ZMAT1: variants seen among roughly 807,000 people sequenced by gnomAD.
ZMAT1 encodes zinc finger matrin-type 1, also known as zinc finger matrin-type protein 1.
In ZMAT1, 11 loss-of-function variants were observed where a neutral mutation model predicts 18.5. The observed-to-expected ratio is 0.59, with a 90% CI of 0.37 to 0.98. ZMAT1 has a LOEUF of 0.98. Among genes scored for constraint, ZMAT1 ranks in the 50% least tolerant of loss-of-function variants. The probability of loss-of-function intolerance (pLI) is 0.01; values close to 1 mark genes in which losing one functional copy is unlikely to be tolerated. For missense variants in ZMAT1, 525 were observed against 496.2 expected, an observed-to-expected ratio of 1.06 and a Z score of -0.55; for synonymous variants, 211 against 176.4, an observed-to-expected ratio of 1.20 and a Z score of -1.55.
At chrX:101,929,423 TTATATATATATATATATATATATA>T (rs771032732) in intron 1 of ZMAT1, among the ~76,000 whole-genome samples, 1 of 71,303 alleles carries the variant, frequency 1.4e-5, no homozygotes, top group South Asian at 8.4e-4. Context: ...TAGAGAGAGA[TTATATATATATATATATATATATA>T]TATATATATA....
chrX:101,907,557 C>T (rs1209321562), intron 1 of ZMAT1, among the ~76,000 whole-genome samples: 1 of 112,242 alleles, frequency 8.9e-6, no homozygotes, highest in Non-Finnish European at 1.9e-5. Flanking sequence ...CATAGCACCA[C>T]CACAAGAACA....
At chrX:101,931,501 C>G in intron 1 of ZMAT1, 1 of 753,181 alleles carries the variant, frequency 1.3e-6, no homozygotes, top group Non-Finnish European at 1.6e-6. Context: ...CCATCCTTTA[C>G]AGGTGGGAGA....
intron 1 of ZMAT1, among the ~76,000 whole-genome samples, chrX:101,931,016 A>C (rs1052680582): frequency 2.7e-5 from 3 of 111,897 alleles, no homozygotes; most frequent in Non-Finnish European, 5.6e-5. Context: ...AAATAGCCAA[A>C]GAAAACTCTC....
chrX:101,900,621 G>C (rs1160563277), intron 2 of ZMAT1, among the ~76,000 whole-genome samples: 5 of 111,093 alleles, frequency 4.5e-5, no homozygotes, highest in Admixed American at 9.6e-5. Flanking sequence ...TAAGTATTAG[G>C]GTTTATTTCT....
chrX:101,895,662 T>C (rs1299418381), intron 4 of ZMAT1, among the ~76,000 whole-genome samples: 2 of 104,113 alleles, frequency 1.9e-5, no homozygotes, highest in Non-Finnish European at 4.0e-5. Context: ...CTGGCTTCAT[T>C]TCTTTTGTGT....
In ZMAT1 at chrX:101,883,355, T is replaced by C; in HGVS notation, c.*155A>G. ...TGGGCTTTTTTTTTCCTTCTTTTAA[T>C]TCAATTTAAATTTTTATACAAAAAA... On this transcript the variant is annotated 3_prime_UTR_variant, in exon 6 of 6. Transcript: ENST00000651725. 2.7e-6 allele frequency: 1 copy of C among 374,420 alleles called. No individual in the cohort carries two copies. Among genetic ancestry groups the C allele is most frequent in the Non-Finnish European group, 4.3e-6 (1 of 233,494 alleles). 30.9% of individuals were successfully genotyped at this position (374,420 alleles called of 1,213,427 possible).
intron 1 of ZMAT1, among the ~76,000 whole-genome samples, chrX:101,919,572 T>C (rs1051015295): frequency 4.5e-5 from 5 of 111,525 alleles, no homozygotes; most frequent in Non-Finnish European, 9.4e-5. Context: ...GAAGATGAGA[T>C]GTGTACCGAA....
At chrX:101,904,381 G>C in intron 1 of ZMAT1, 51 bp from the exon 2 acceptor site, 1 of 944,534 alleles carries the variant, frequency 1.1e-6, no homozygotes, top group Non-Finnish European at 1.5e-6. Flanking sequence ...AATATTTAGA[G>C]GTATCATTTT....
chrX:101,894,908 TG>T (rs1927687094), intron 4 of ZMAT1: 4 of 748,644 alleles, frequency 5.3e-6, no homozygotes, highest in Admixed American at 9.0e-5. Flanking sequence ...AAGGTGCCTG[TG>T]GGGGGAAAAA....
In ZMAT1 at chrX:101,885,846, G is replaced by A. The variant is rs1186932017; in HGVS notation, c.776+786C>T. 2.7e-5 allele frequency among the ~76,000 whole-genome samples: 3 copies of A among 110,013 alleles called. No homozygotes were observed. In the East Asian group the frequency reaches 8.7e-4, roughly 32 times the overall value. On this transcript the variant is annotated intron_variant, in intron 5 of 5. Transcript: ENST00000651725. ...CCATGGGTACATGCCACTAAACCTGGCTAATTTTTCTTTTTTCTCAGGTAG... is the reference window on the plus strand; with the variant it reads ...CCATGGGTACATGCCACTAAACCTGACTAATTTTTCTTTTTTCTCAGGTAG...
chrX:101,883,903 A>G lies in ZMAT1; in HGVS notation c.1695T>C (p.Ser565=), dbSNP rs149596131. 127 of 1,208,373 alleles carry G rather than the reference A, an allele frequency of 1.1e-4. No individual in the cohort carries two copies. In the African/African-American group the frequency reaches 1.4e-3, roughly 13 times the overall value. ...PLSLNQQENN[S]GSYSVESEVY... is the part of the protein sequence containing the mutation. Reference sequence around the variant, plus strand: ...CTTCAGATTCTACACTGTATGAGCCAGAGTTATTTTCTTGCTGATTAAGGC... The same window carrying G: ...CTTCAGATTCTACACTGTATGAGCCGGAGTTATTTTCTTGCTGATTAAGGC... The change falls in exon 6 of 6, where the codon TCT becomes TCC. Residue 565 remains serine, a synonymous_variant. Coordinates refer to ENST00000651725, the MANE Select transcript of ZMAT1 (RefSeq NM_001394560.1).
At position 101,883,545 on chromosome X, in the gene ZMAT1, C is replaced by T; in HGVS notation, c.2053G>A (p.Glu685Lys). ...KKSVEERTEE[E>K]MLWDESILGF The stretch of plus-strand genomic sequence containing the variant: ...AGAATAGACTCATCCCAAAGCATTT[C>T]CTCTTCTGTCCTTTCTTCAACAGAT... Residue 685 changes from glutamate to lysine, a missense_variant, in exon 6 of 6, where the codon GAA (glutamate) becomes AAA (lysine). Coordinates refer to ENST00000651725, the MANE Select transcript of ZMAT1 (RefSeq NM_001394560.1). The T allele has an allele frequency of 8.4e-7, 1 of 1,196,450 alleles. No individual in the cohort carries two copies. The highest frequency in any genetic ancestry group is 1.1e-6 in the Non-Finnish European group (1 of 890,962).
intron 1 of ZMAT1, among the ~76,000 whole-genome samples, chrX:101,927,719 C>A (rs1380709957): frequency 8.9e-6 from 1 of 112,171 alleles, no homozygotes; most frequent in African/African-American, 3.2e-5. Flanking sequence ...GATCCCATGA[C>A]AGCTACTTTG....
At position 101,931,827 on chromosome X, in the gene ZMAT1, G is replaced by A. The variant is rs1439151865; in HGVS notation, c.182C>T (p.Ala61Val). Reference protein sequence around the residue: ...SATSAPACPPAGGCGDGGGGG... With the variant: ...SATSAPACPPVGGCGDGGGGG... ...GCCGCCGCCGTCGCCACAGCCACCG[G>A]CAGGCGGGCAGGCAGGGGCGGAGGT... The change falls in exon 1 of 6, where the codon GCC becomes GTC. Residue 61 changes from alanine to valine, a missense_variant. Physicochemically the swap from Ala to Val is moderately conservative, Grantham distance 64. Transcript: ENST00000651725. The A allele has an allele frequency of 1.1e-5, 9 of 783,986 alleles. No homozygotes were observed. The highest frequency in any genetic ancestry group is 4.6e-5 in the African/African-American group (2 of 43,414). The allele number at this position is 783,986 out of a possible 1,213,427, so 64.6% of individuals were successfully genotyped here.
chrX:101,904,182 A>T (rs1213894270), intron 2 of ZMAT1, 42 bp downstream of exon 2: 11 of 1,016,958 alleles, frequency 1.1e-5, no homozygotes, highest in Non-Finnish European at 1.5e-5. Flanking sequence ...TGCTACATTT[A>T]AAAACCTGCT....
chrX:101,919,899 T>C (rs929515927), intron 1 of ZMAT1, among the ~76,000 whole-genome samples: 2 of 110,429 alleles, frequency 1.8e-5, no homozygotes, highest in African/African-American at 6.6e-5. Context: ...CAGGGGTCAG[T>C]TTCAGGCTTC....
rs17282855 is a variant in ZMAT1 at position 101,884,786 on chromosome X, C to T, written c.812G>A (p.Arg271Lys). Residue 271 changes from arginine (R) to lysine (K), a missense_variant, in exon 6 of 6, where the codon AGG (arginine) becomes AAG (lysine). Arg to Lys is a conservative substitution (Grantham distance 26, BLOSUM62 2). Transcript: ENST00000651725. ...SIVINLVKNS[R>K]KTQDSYQNEC... ...ATTTTGGTAAGAGTCTTGTGTCTTCCTTGAATTCTTCACTAGATTGATAAC... is the reference window on the plus strand; with the variant it reads ...ATTTTGGTAAGAGTCTTGTGTCTTCTTTGAATTCTTCACTAGATTGATAAC... 94,067 of 1,197,941 alleles carry T rather than the reference C, an allele frequency of 0.079. 2,771 individuals carry two copies. The highest frequency in any genetic ancestry group is 0.12 in the African/African-American group (6,829 of 56,768).
intron 4 of ZMAT1, among the ~76,000 whole-genome samples, chrX:101,895,613 G>A (rs1927742054): frequency 9.0e-6 from 1 of 110,676 alleles, no homozygotes; most frequent in African/African-American, 3.3e-5. Context: ...TGATTTTGCT[G>A]GAAGAGATTT....
chrX:101,889,078 G>A (rs1338480821), intron 4 of ZMAT1: 1 of 111,575 alleles, frequency 9.0e-6, no homozygotes, highest in Non-Finnish European at 1.9e-5. Flanking sequence ...ACTGTAGTCT[G>A]ATTACCATTA....
Sources: gnomAD v4.1 joint callset for allele counts (sites outside exome capture counted in the v4.1 genomes callset) on GRCh38, gnomAD v4.1.1 for gene constraint, MANE v1.5 for transcripts, NCBI Gene and HGNC (gene_info 2026-07-23, HGNC 2026-07-21) for gene names.